The following TSC2 variants were observed in gnomAD, a reference collection of about 807,000 sequenced individuals.
The protein encoded by TSC2 is TSC complex subunit 2, also known as tuberin.
Under a neutral mutation model 202.2 loss-of-function variants are expected in TSC2, and 29 were observed. That is an observed-to-expected ratio of 0.14 (90% CI 0.11 to 0.20). The LOEUF (loss-of-function observed/expected upper bound fraction) is 0.20, where lower values mean the gene tolerates loss of function less well. Ranked by LOEUF, TSC2 falls within the 10% of genes least tolerant of loss-of-function variation. The probability of loss-of-function intolerance (pLI) is 1.00; values close to 1 mark genes in which losing one functional copy is unlikely to be tolerated. For missense variants in TSC2, 2,429 were observed against 2,420.0 expected (o/e 1.00, Z -0.08); for synonymous variants, 1,349 against 1,044.0 (o/e 1.29, Z -5.63).
Position 2,080,937 on chromosome 16 carries a change from C to CT in TSC2, c.3610+561dup, listed in dbSNP as rs150052984. 3.8e-3 allele frequency: 640 copies of CT among 170,326 alleles called. 7 individuals carry two copies. The highest frequency in any genetic ancestry group is 0.015 in the African/African-American group (606 of 41,776). 10.6% of individuals were successfully genotyped at this position (170,326 alleles called of 1,614,324 possible). A position where few individuals can be genotyped will look rare whatever the true frequency, so the allele number is the denominator to read the frequency against. On this transcript the variant is annotated intron_variant, in intron 30 of 41. Coordinates refer to ENST00000219476, the MANE Select transcript of TSC2 (RefSeq NM_000548.5). ...CTGCAAGTCCGAGACCAAGGTGCTC[C>CT]TCGGCAGGAGGTGCTCCTCAGAGGC...
chr16:2,054,051 A>G, intron 4 of TSC2: 1 of 584,804 alleles, frequency 1.7e-6, no homozygotes, highest in Non-Finnish European at 3.0e-6. Flanking sequence ...GCTCTGCGCC[A>G]CCCGCTGTGC....
chr16:2,077,675 C>G lies in TSC2; in HGVS notation c.2915C>G (p.Ala972Gly). 1 of 1,613,064 alleles carries G rather than the reference C, an allele frequency of 6.2e-7. No individual in the cohort carries two copies. The highest frequency in any genetic ancestry group is 8.5e-7 in the Non-Finnish European group (1 of 1,180,034). ...AAAGAATTCAAGGAGAGCTCTGCAG[C>G]CGAGGCCTTCCGGTGCCGCAGCATC... ...PVKEFKESSA[A>G]EAFRCRSISV... Residue 972 changes from alanine (A) to glycine (G), a missense_variant, in exon 26 of 42, where the codon GCC (alanine) becomes GGC (glycine). Coordinates refer to ENST00000219476, the MANE Select transcript of TSC2 (RefSeq NM_000548.5).
At chr16:2,077,512 TTCC>T in intron 25 of TSC2, 83 bp from the exon 26 acceptor site, 1 of 1,598,294 alleles carries the variant, frequency 6.3e-7, no homozygotes, top group Non-Finnish European at 8.5e-7. Flanking sequence ...CCTGGGACCT[TTCC>T]TCCTCACCCC....
Position 2,071,676 on chromosome 16 carries a change from G to C in TSC2, c.1946+60G>C, listed in dbSNP as rs45491895. ...AGGGCGTCAGAGGCGCTGGGGCTGT[G>C]GTGGCGCTGTTTGCATGTCTGAGGG... is the stretch of plus-strand genomic sequence containing the variant. On this transcript the variant is annotated intron_variant, in intron 18 of 41. Transcript: ENST00000219476. 8.0e-5 allele frequency: 129 copies of C among 1,606,756 alleles called. No individual in the cohort carries two copies. The South Asian group carries it at 1.2e-3, about 15-fold the overall frequency.
At chr16:2,055,032 G>GTGCA (rs2085593711) in intron 5 of TSC2, 1 of 382,090 alleles carries the variant, frequency 2.6e-6, no homozygotes, top group South Asian at 2.3e-5. Flanking sequence ...GCAGCCAAGT[G>GTGCA]TGCACACGTC....
At chr16:2,055,278 G>T (rs1046608267) in intron 5 of TSC2, 124 bp from the exon 6 acceptor site, 4 of 814,632 alleles carry the variant, frequency 4.9e-6, no homozygotes, top group Non-Finnish European at 6.4e-6. Context: ...TGTTGCTGCC[G>T]GGGGACTGAT....
chr16:2,049,060 G>A (rs2084748226), intron 2 of TSC2, among the ~76,000 whole-genome samples: 1 of 152,106 alleles, frequency 6.6e-6, no homozygotes, highest in Non-Finnish European at 1.5e-5. Context: ...ATGATAAGAT[G>A]TGAGTTCCTG....
intron 35 of TSC2, 75 bp from the exon 36 acceptor site, chr16:2,085,155 G>C (rs2090608468): frequency 6.2e-7 from 1 of 1,605,984 alleles, no homozygotes; most frequent in South Asian, 1.1e-5. Flanking sequence ...GTGGCAGCCT[G>C]CCGTGACCGG....
rs1555512486 is a variant in TSC2 at position 2,081,729 on chromosome 16, CTG to C, written c.3747_3748del (p.Tyr1250GlnfsTer71). On this transcript the variant is annotated frameshift_variant, in exon 31 of 42. Coordinates refer to ENST00000219476, the MANE Select transcript of TSC2 (RefSeq NM_000548.5). LOFTEE classifies it high-confidence loss of function. The stretch of plus-strand genomic sequence containing the variant: ...CTTCAAGGAGCACCGGGACACAGCC[CTG>C]TACAAGTCACTGTCGGTGCCGGCAG... ...ERFKEHRDTA[L>X]YKSLSVPAAS... The C allele has an allele frequency of 6.2e-7, 1 of 1,612,992 alleles. No homozygotes were observed. Among genetic ancestry groups the C allele is most frequent in the Non-Finnish European group, 8.5e-7 (1 of 1,180,018 alleles).
chr16:2,074,425 G>T, intron 22 of TSC2, 36 bp downstream of exon 22: 1 of 1,603,570 alleles, frequency 6.2e-7, no homozygotes, highest in Non-Finnish European at 8.5e-7. Flanking sequence ...GCACCCGAGA[G>T]GTTCGGGCTG....
Position 2,086,888 on chromosome 16 carries a change from C to T in TSC2, c.4989+17C>T. 6.4e-7 allele frequency: 1 copy of T among 1,568,034 alleles called. No individual in the cohort carries two copies. The highest frequency in any genetic ancestry group is 8.6e-7 in the Non-Finnish European group (1 of 1,157,826). On this transcript the variant is annotated intron_variant, in intron 38 of 41. Transcript: ENST00000219476. The stretch of plus-strand genomic sequence containing the variant: ...ACCATCAAGGTGAGTGAGGGGCCGT[C>T]AGTGAGGCTGGGCCCCAGGCAGGTG...
Position 2,072,236 on chromosome 16 carries a change from C to G in TSC2, c.2098-5C>G, listed in dbSNP as rs369072310. 6 of 1,613,876 alleles carry G rather than the reference C, an allele frequency of 3.7e-6. No individual in the cohort carries two copies. The highest frequency in any genetic ancestry group is 5.1e-6 in the Non-Finnish European group (6 of 1,180,042). ...GCCCTGTCCTGACGCCTCCTCTCCT[C>G]GCAGGAGTCTGACTGGAAGGTGCTG... On this transcript the variant is annotated splice_polypyrimidine_tract_variant and splice_region_variant and intron_variant, in intron 19 of 41. Coordinates refer to ENST00000219476, the MANE Select transcript of TSC2 (RefSeq NM_000548.5).
chr16:2,085,530 G>A (rs904619320), intron 36 of TSC2, among the ~76,000 whole-genome samples: 1 of 152,212 alleles, frequency 6.6e-6, no homozygotes, highest in African/African-American at 2.4e-5. Flanking sequence ...GGGAGCACCC[G>A]GCACACCAAG....
chr16:2,082,190 C>G, intron 31 of TSC2: 1 of 604,368 alleles, frequency 1.7e-6, no homozygotes, highest in Non-Finnish European at 2.9e-6. Context: ...GCCAGGCCCT[C>G]TGGCTCTTCC....
chr16:2,070,318 T>C, intron 16 of TSC2, 138 bp from the exon 17 acceptor site: 4 of 1,448,912 alleles, frequency 2.8e-6, no homozygotes, highest in South Asian at 1.2e-5. Context: ...GTCCTGGTGG[T>C]CCTGGGTTTG....
At chr16:2,067,385 C>T (rs138819254) in intron 16 of TSC2, among the ~76,000 whole-genome samples, 232 of 151,894 alleles carry the variant, frequency 1.5e-3, no homozygotes, top group Non-Finnish European at 2.7e-3. Context: ...TGGCATCAAC[C>T]TCCTGGCCTC....
chr16:2,082,719 C>A, intron 32 of TSC2: 1 of 635,558 alleles, frequency 1.6e-6, no homozygotes, highest in Non-Finnish European at 2.8e-6. Flanking sequence ...AGCCCTGTTC[C>A]CACGCTGTGC....
rs1555442336 is a variant in TSC2 at position 2,088,858 on chromosome 16, A to AGC, written c.*249_*250dup. 574 of 561,068 alleles carry AGC rather than the reference A, an allele frequency of 1.0e-3. No homozygotes were observed. Among genetic ancestry groups the AGC allele is most frequent in the Non-Finnish European group, 1.6e-3 (500 of 316,480 alleles). The allele number at this position is 561,068 out of a possible 1,614,324, so 34.8% of individuals were successfully genotyped here. A position where few individuals can be genotyped will look rare whatever the true frequency, so the allele number is the denominator to read the frequency against. The stretch of plus-strand genomic sequence containing the variant: ...GGCCTTGAGGCTGCCTGGGCCATAC[A>AGC]GCACACTCGCGCGTGCGCGCGCGCA... On this transcript the variant is annotated 3_prime_UTR_variant, in exon 42 of 42. Coordinates refer to ENST00000219476, the MANE Select transcript of TSC2 (RefSeq NM_000548.5).
chr16:2,074,385 G>T lies in TSC2; in HGVS notation c.2541G>T (p.Leu847=), dbSNP rs1300521096. The T allele has an allele frequency of 1.9e-6, 3 of 1,610,170 alleles. No individual in the cohort carries two copies. Among genetic ancestry groups the T allele is most frequent in the Non-Finnish European group, 2.5e-6 (3 of 1,180,002 alleles). The change falls in exon 22 of 42, where the codon CTG becomes CTT. Residue 847 remains leucine, a synonymous_variant. Transcript: ENST00000219476. ...TGGCCGTCCCACTGCTGGAGTTCCTGTCCAGTGAGTCCCCGCCCTGCCTGC... is the reference window on the plus strand; with the variant it reads ...TGGCCGTCCCACTGCTGGAGTTCCTTTCCAGTGAGTCCCCGCCCTGCCTGC... ...ASMAVPLLEF[L]STLARLPHLY... is the part of the protein sequence containing the mutation.
Sources: gnomAD v4.1 joint callset for allele counts (sites outside exome capture counted in the v4.1 genomes callset) on GRCh38, gnomAD v4.1.1 for gene constraint, MANE v1.5 for transcripts, NCBI Gene and HGNC (gene_info 2026-07-23, HGNC 2026-07-21) for gene names.